Variants in MYT1L observed in about 807,000 individuals in gnomAD.
MYT1L encodes myelin transcription factor 1-like protein.
A neutral mutation model predicts 126.7 loss-of-function variants in MYT1L; 12 were observed. That is an observed-to-expected ratio of 0.09 (90% CI 0.06 to 0.15). The LOEUF is 0.15. MYT1L is among the 10% of genes least tolerant of loss of function. The pLI is 1.00. For synonymous variants in MYT1L, 541 were observed against 604.2 expected (o/e 0.90, Z 1.53); for missense variants, 979 against 1,585.2 (o/e 0.62, Z 6.49).
At chr2:2,099,410 T>C (rs976105695) in intron 3 of MYT1L, among the ~76,000 whole-genome samples, 3 of 151,896 alleles carry the variant, frequency 2.0e-5, no homozygotes, top group Non-Finnish European at 4.4e-5. Flanking sequence ...GGCTAATTCA[T>C]AAAAGTTTCT....
intron 2 of MYT1L, among the ~76,000 whole-genome samples, chr2:2,222,495 CA>C (rs11298177): frequency 0.77 from 114,612 of 149,278 alleles, 44,090 homozygotes; most frequent in East Asian, 0.98. Flanking sequence ...GACTTTGTCT[CA>C]AAAAAAAAAA....
chr2:1,801,513 T>C lies in MYT1L; in HGVS notation c.3276+183A>G. 2 of 528,038 alleles carry C rather than the reference T, an allele frequency of 3.8e-6. No individual in the cohort carries two copies. Among genetic ancestry groups the C allele is most frequent in the Admixed American group, 3.8e-5 (1 of 26,564 alleles). 32.7% of individuals were successfully genotyped at this position (528,038 alleles called of 1,614,324 possible). A position where few individuals can be genotyped will look rare whatever the true frequency, so the allele number is the denominator to read the frequency against. On this transcript the variant is annotated intron_variant, in intron 23 of 24. Coordinates refer to ENST00000647738, the MANE Select transcript of MYT1L (RefSeq NM_001303052.2). This position sits in a 1 kb window ranked among gnomAD's most constrained non-coding sequence, Gnocchi z 4.2. ...AAAACGAGAGAACCACGGCCCCTGC[T>C]ACAGCGAACACTGCCACGGAATGGT...
intron 4 of MYT1L, among the ~76,000 whole-genome samples, chr2:2,015,883 A>G (rs2064329778): frequency 6.6e-6 from 1 of 152,222 alleles, no homozygotes; most frequent in Non-Finnish European, 1.5e-5. Context: ...TCCGGCAAGC[A>G]TTCCAACTGG....
chr2:2,017,218 C>T (rs975124663), intron 4 of MYT1L, among the ~76,000 whole-genome samples: 60 of 152,212 alleles, frequency 3.9e-4, no homozygotes, highest in African/African-American at 1.3e-3. Context: ...GGCCAGCAGG[C>T]GCCTGCACTC....
At chr2:2,063,910 G>C (rs2070877277) in intron 3 of MYT1L, among the ~76,000 whole-genome samples, 1 of 152,004 alleles carries the variant, frequency 6.6e-6, no homozygotes, top group South Asian at 2.1e-4. Context: ...ATCTCTACAG[G>C]TCTCCTTGCT....
Position 1,849,972 on chromosome 2 carries a change from G to A in MYT1L, c.2774+1669C>T, listed in dbSNP as rs2042996548. On this transcript the variant is annotated intron_variant, in intron 19 of 24. Transcript: ENST00000647738. ...GTTGGGATCTGGTCACTCAGGGACA[G>A]ATAGCAGGTTTCACTCAGCTACTCT... Among the ~76,000 whole-genome samples the A allele has an allele frequency of 2.1e-5, 3 of 145,786 alleles. No individual in the cohort carries two copies. In the South Asian group the frequency reaches 6.8e-4, roughly 33 times the overall value.
chr2:2,250,406 G>A (rs983445071), intron 2 of MYT1L, among the ~76,000 whole-genome samples: 2 of 152,084 alleles, frequency 1.3e-5, no homozygotes, highest in Non-Finnish European at 2.9e-5. Context: ...AATAAGCCAG[G>A]CACAGAAAGA....
At chr2:2,268,005 C>T (rs1440803452) in intron 2 of MYT1L, among the ~76,000 whole-genome samples, 2 of 152,106 alleles carry the variant, frequency 1.3e-5, no homozygotes, top group African/African-American at 4.8e-5. Flanking sequence ...CTCTTCTAAT[C>T]AGTATTAATA....
chr2:2,197,606 TAC>T (rs1232834979), intron 2 of MYT1L, among the ~76,000 whole-genome samples: 1 of 151,506 alleles, frequency 6.6e-6, no homozygotes, highest in Non-Finnish European at 1.5e-5. Context: ...ATGTAACATA[TAC>T]ACACGTATAT....
chr2:1,975,087 A>G (rs997031002), intron 8 of MYT1L, among the ~76,000 whole-genome samples: 3 of 152,162 alleles, frequency 2.0e-5, no homozygotes, highest in Admixed American at 2.0e-4. Flanking sequence ...TTTTAAAATT[A>G]TTTTCTTTCC....
At position 2,323,238 on chromosome 2, in the gene MYT1L, C is replaced by T. The variant is rs537779817; in HGVS notation, c.-521+7729G>A. 1.3e-4 allele frequency among the ~76,000 whole-genome samples: 20 copies of T among 151,954 alleles called. No homozygotes were observed. The South Asian group carries it at 4.2e-3, about 32-fold the overall frequency. ...TATATTTTTTTAAACAGAAAATTTT[C>T]CCCTCCCCCCAAAAGTTGTATTTTC... On this transcript the variant is annotated intron_variant, in intron 1 of 24. Coordinates refer to ENST00000647738, the MANE Select transcript of MYT1L (RefSeq NM_001303052.2).
At chr2:2,203,622 A>G (rs1026458230) in intron 2 of MYT1L, among the ~76,000 whole-genome samples, 18 of 151,958 alleles carry the variant, frequency 1.2e-4, no homozygotes, top group Non-Finnish European at 2.5e-4. Context: ...GACACAAACA[A>G]ATGGAAGAAC....
At chr2:2,202,331 G>A (rs1342014638) in intron 2 of MYT1L, among the ~76,000 whole-genome samples, 1 of 152,100 alleles carries the variant, frequency 6.6e-6, no homozygotes. Flanking sequence ...ATGAATCCAG[G>A]AGCTGGTTTT....
At chr2:1,977,053 C>T (rs1394641931) in intron 8 of MYT1L, among the ~76,000 whole-genome samples, 2 of 152,170 alleles carry the variant, frequency 1.3e-5, no homozygotes, top group Non-Finnish European at 2.9e-5. Flanking sequence ...TTCTAGATAA[C>T]TGAGTGCATT....
intron 1 of MYT1L, among the ~76,000 whole-genome samples, chr2:2,287,879 C>G (rs1187987073): frequency 6.6e-6 from 1 of 152,184 alleles, no homozygotes; most frequent in Admixed American, 6.5e-5. Flanking sequence ...CTCTACAGCT[C>G]AGTTTGAAAT....
At chr2:2,215,276 T>A (rs1404757661) in intron 2 of MYT1L, among the ~76,000 whole-genome samples, 1 of 152,170 alleles carries the variant, frequency 6.6e-6, no homozygotes, top group Admixed American at 6.5e-5. Context: ...TTAGATACAA[T>A]GTAAGATCTA....
intron 20 of MYT1L, 103 bp from the exon 21 acceptor site, chr2:1,839,473 C>G: frequency 1.9e-6 from 2 of 1,028,296 alleles, no homozygotes; most frequent in South Asian, 3.1e-5. Flanking sequence ...AAAAAAACAA[C>G]CATGCCCTCC....
intron 2 of MYT1L, among the ~76,000 whole-genome samples, chr2:2,264,304 G>A (rs2095065305): frequency 6.6e-6 from 1 of 152,014 alleles, no homozygotes; most frequent in South Asian, 2.1e-4. Flanking sequence ...ACCCTAAGAG[G>A]CCCTGGGTCT....
rs1410913628 is a variant in MYT1L, at chr2:2,154,012, C to T, written c.-304+18860G>A. ...AAGAGATGGGAGAGGGCCTCTGGACCGGATGGCAGGAGGTGCTGCCCGAGG... is the reference window on the plus strand; with the variant it reads ...AAGAGATGGGAGAGGGCCTCTGGACTGGATGGCAGGAGGTGCTGCCCGAGG... On this transcript the variant is annotated intron_variant, in intron 3 of 24. Transcript: ENST00000647738. Among the ~76,000 whole-genome samples, 4 of 152,216 alleles carry T rather than the reference C, an allele frequency of 2.6e-5. No homozygotes were observed. The East Asian group carries it at 5.8e-4, about 22-fold the overall frequency.
Sources: gnomAD v4.1 joint callset for allele counts (sites outside exome capture counted in the v4.1 genomes callset) on GRCh38, gnomAD v4.1.1 for gene constraint, Gnocchi (gnomAD v3.1) non-coding constraint, MANE v1.5 for transcripts, NCBI Gene and HGNC (gene_info 2026-07-23, HGNC 2026-07-21) for gene names.